Variants in NXNL2 observed in about 807,000 individuals in gnomAD.
NXNL2 encodes the protein nucleoredoxin like 2, also known as nucleoredoxin-like protein 2.
A neutral mutation model predicts 11.1 loss-of-function variants in NXNL2; 7 were observed. The ratio of observed to expected loss-of-function variants is 0.63; its 90% CI spans 0.36 to 1.18. The LOEUF is 1.18. NXNL2 is among the 50% of genes most tolerant of loss of function. The pLI is 0.02. For synonymous variants in NXNL2, 109 were observed against 101.8 expected, an observed-to-expected ratio of 1.07 and a Z score of -0.42; for missense variants, 233 against 217.7, an observed-to-expected ratio of 1.07 and a Z score of -0.44.
chr9:88,568,009 C>A (rs1224079628), intron 1 of NXNL2, among the ~76,000 whole-genome samples: 3 of 152,198 alleles, frequency 2.0e-5, no homozygotes, highest in African/African-American at 7.2e-5. Context: ...CCAGTCCCAA[C>A]CCTACCCCTA....
At chr9:88,580,840 G>A (rs190149882) in intron 1 of NXNL2, among the ~76,000 whole-genome samples, 285 of 152,270 alleles carry the variant, frequency 1.9e-3, no homozygotes, top group African/African-American at 6.5e-3. Flanking sequence ...GTCTCTTTTA[G>A]TCTGGAATGG....
chr9:88,573,004 C>T (rs1397444423), intron 2 of NXNL2, among the ~76,000 whole-genome samples: 1 of 152,174 alleles, frequency 6.6e-6, no homozygotes, highest in Admixed American at 6.6e-5. Context: ...TTGCTCAATC[C>T]CATTAATGTG....
At chr9:88,570,028 T>C (rs1830237101) in intron 1 of NXNL2, among the ~76,000 whole-genome samples, 1 of 152,170 alleles carries the variant, frequency 6.6e-6, no homozygotes, top group Non-Finnish European at 1.5e-5. Flanking sequence ...TCCACCCACC[T>C]GCGTAGTTTG....
At chr9:88,541,412 A>G (rs916187316) in intron 1 of NXNL2, among the ~76,000 whole-genome samples, 1 of 151,718 alleles carries the variant, frequency 6.6e-6, no homozygotes, top group African/African-American at 2.4e-5. Context: ...AGGTGCGTGC[A>G]ACCACACCTG....
chr9:88,552,671 G>A (rs1355353321), intron 1 of NXNL2, among the ~76,000 whole-genome samples: 4 of 152,040 alleles, frequency 2.6e-5, no homozygotes, highest in East Asian at 3.9e-4. Context: ...GGATTTCACC[G>A]TGTTAGCCAG....
chr9:88,571,032 C>T (rs796644174), intron 1 of NXNL2: 16 of 388,260 alleles, frequency 4.1e-5, no homozygotes, highest in African/African-American at 2.2e-4. Context: ...TGTGAGCCAC[C>T]GGTGCCAGGT....
At chr9:88,559,356 G>T (rs570280813) in intron 1 of NXNL2, among the ~76,000 whole-genome samples, 1 of 152,154 alleles carries the variant, frequency 6.6e-6, no homozygotes, top group Non-Finnish European at 1.5e-5. Flanking sequence ...ATGATGCTGG[G>T]CTCTAATGAC....
rs1226421401 is a variant in NXNL2, at chr9:88,535,709, C to T, written c.275C>T (p.Ala92Val). Residue 92 changes from alanine (A) to valine (V), a missense_variant, in exon 1 of 2, where the codon GCG (alanine) becomes GTG (valine). Transcript: ENST00000375854. ...CGCGAGCTGCATGGCGCCTGGCTGG[C>T]GCTGCCCTTCCACGACCCCTACCGG... ...FMRELHGAWL[A>V]LPFHDPYRHE... is the part of the protein sequence containing the mutation. 4 of 1,590,732 alleles carry T rather than the reference C, an allele frequency of 2.5e-6. No individual in the cohort carries two copies. Among genetic ancestry groups the T allele is most frequent in the African/African-American group, 1.3e-5 (1 of 74,360 alleles).
In NXNL2 at chr9:88,544,842, C is replaced by G. The variant is rs1013640922; in HGVS notation, c.*295C>G. 9.3e-7 allele frequency: 1 copy of G among 1,077,536 alleles called. No homozygotes were observed. The highest frequency in any genetic ancestry group is 1.1e-6 in the Non-Finnish European group (1 of 888,614). The allele number at this position is 1,077,536 out of a possible 1,614,324, so 66.7% of individuals were successfully genotyped here. The stretch of plus-strand genomic sequence containing the variant: ...CATACTGAGCTGTTGGAAATCTATG[C>G]AAGACATTTATTTGTACAAGTCTCT... On this transcript the variant is annotated 3_prime_UTR_variant, in exon 2 of 2. Coordinates refer to ENST00000375854, the MANE Select transcript of NXNL2 (RefSeq NM_001161625.2).
At chr9:88,569,043 C>A (rs527623202) in intron 1 of NXNL2, among the ~76,000 whole-genome samples, 5 of 152,262 alleles carry the variant, frequency 3.3e-5, no homozygotes, top group Admixed American at 2.0e-4. Context: ...ATTTCCACTT[C>A]AGCCTCCTGA....
Position 88,570,411 on chromosome 9 carries a change from C to A in NXNL2, c.303-676C>A, listed in dbSNP as rs1047289975. 1.6e-4 allele frequency among the ~76,000 whole-genome samples: 25 copies of A among 152,208 alleles called. 1 individual carries two copies. The highest frequency in any genetic ancestry group is 1.6e-3 in the Admixed American group (25 of 15,294). On this transcript the variant is annotated intron_variant, in intron 1 of 2. Transcript: ENST00000375855. ...GGGATTACAGGCGTGAGCCACCATG[C>A]CTGGCAGGTTTTACTTGTTTTTAAT...
chr9:88,535,459 C>T lies in NXNL2; in HGVS notation c.25C>T (p.His9Tyr). ...CATGGTTGACATTCTGGGCGAGCGG[C>T]ACCTGGTGACCTGTAAGGGCGCGAC... Reference protein sequence around the residue: MVDILGERHLVTCKGATVE... With the variant: MVDILGERYLVTCKGATVE... Residue 9 changes from histidine to tyrosine, a missense_variant, in exon 1 of 2, where the codon CAC becomes TAC. His to Tyr is a moderately conservative substitution (Grantham distance 83). Coordinates refer to ENST00000375854, the MANE Select transcript of NXNL2 (RefSeq NM_001161625.2). The T allele has an allele frequency of 6.2e-7, 1 of 1,604,874 alleles. No individual in the cohort carries two copies. The highest frequency in any genetic ancestry group is 8.5e-7 in the Non-Finnish European group (1 of 1,176,432).
chr9:88,561,492 T>C (rs559674798), intron 1 of NXNL2, among the ~76,000 whole-genome samples: 18 of 152,296 alleles, frequency 1.2e-4, no homozygotes, highest in African/African-American at 4.3e-4. Context: ...TCTATCTACC[T>C]ATCATCTATC....
intron 1 of NXNL2, among the ~76,000 whole-genome samples, chr9:88,551,961 AG>A (rs1378660899): frequency 1.3e-5 from 2 of 152,158 alleles, no homozygotes; most frequent in Non-Finnish European, 2.9e-5. Flanking sequence ...TTGTCACCTC[AG>A]GGGTGGTAAG....
Position 88,544,762 on chromosome 9 carries a change from G to T in NXNL2, c.*215G>T. 7.6e-7 allele frequency: 1 copy of T among 1,307,702 alleles called. No individual in the cohort carries two copies. The highest frequency in any genetic ancestry group is 2.3e-5 in the South Asian group (1 of 43,544). 81.0% of individuals were successfully genotyped at this position (1,307,702 alleles called of 1,614,324 possible). ...GGCTGTTTGTATTATAGTTATTTTTGTTATTCTTTGCATACCTTTATCCAC... is the reference window on the plus strand; with the variant it reads ...GGCTGTTTGTATTATAGTTATTTTTTTTATTCTTTGCATACCTTTATCCAC... On this transcript the variant is annotated 3_prime_UTR_variant, in exon 2 of 2. Transcript: ENST00000375854.
intron 1 of NXNL2, among the ~76,000 whole-genome samples, chr9:88,567,428 C>T (rs754160393): frequency 2.6e-5 from 4 of 152,194 alleles, no homozygotes; most frequent in South Asian, 2.1e-4. Flanking sequence ...TGAGCCACCG[C>T]GCCTGGGCTT....
downstream of NXNL2, among the ~76,000 whole-genome samples, chr9:88,547,619 G>C (rs974480490): frequency 2.0e-5 from 3 of 152,180 alleles, no homozygotes; most frequent in Non-Finnish European, 4.4e-5. Flanking sequence ...TGCTAATTTT[G>C]ATTGAAAAGA....
intron 1 of NXNL2, among the ~76,000 whole-genome samples, chr9:88,563,406 A>G (rs752843329): frequency 3.9e-5 from 6 of 152,212 alleles, no homozygotes; most frequent in Non-Finnish European, 7.3e-5. Flanking sequence ...CTGTGGAGTC[A>G]TCTCCAGTGC....
downstream of NXNL2, among the ~76,000 whole-genome samples, chr9:88,547,014 G>A (rs1391332575): frequency 6.6e-6 from 1 of 152,162 alleles, no homozygotes; most frequent in Non-Finnish European, 1.5e-5. Flanking sequence ...GCCACCCTGC[G>A]TGTGGACATA....
Sources: allele counts gnomAD v4.1 joint callset (sites outside exome capture counted in the v4.1 genomes callset), GRCh38; gene constraint gnomAD v4.1.1; transcripts MANE v1.5; gene names NCBI Gene and HGNC (gene_info 2026-07-23, HGNC 2026-07-21).